The following PTN variants were observed in gnomAD, a reference collection of about 807,000 sequenced individuals.
The protein encoded by PTN is pleiotrophin.
A neutral mutation model predicts 24.1 loss-of-function variants in PTN; 18 were observed. That is an observed-to-expected ratio of 0.75 (90% confidence interval 0.52 to 1.11). The LOEUF is 1.11. Ranked by LOEUF, PTN falls within the 50% of genes least tolerant of loss-of-function variation. The pLI, the probability that PTN is intolerant of heterozygous loss-of-function variation, is 0.00. For missense variants in PTN, 163 were observed against 198.8 expected (o/e 0.82, Z 1.08); for synonymous variants, 78 against 68.6 (o/e 1.14, Z -0.67).
chr7:137,300,231 C>A (rs376244308), intron 1 of PTN, among the ~76,000 whole-genome samples: 1 of 151,868 alleles, frequency 6.6e-6, no homozygotes, highest in East Asian at 1.9e-4. Context: ...ATCAGAGTGG[C>A]CTTAGGGCCT....
chr7:137,276,920 A>G (rs541407329), intron 1 of PTN, among the ~76,000 whole-genome samples: 1 of 152,358 alleles, frequency 6.6e-6, no homozygotes, highest in African/African-American at 2.4e-5. Context: ...TATTCTATTT[A>G]CAATCCAATG....
chr7:137,315,857 G>A (rs1585041783), intron 1 of PTN, among the ~76,000 whole-genome samples: 1 of 152,106 alleles, frequency 6.6e-6, no homozygotes, highest in East Asian at 1.9e-4. Context: ...TAGGTATGCA[G>A]TTCTGTGATC....
chr7:137,276,619 C>G (rs1304520675), intron 1 of PTN, among the ~76,000 whole-genome samples: 1 of 152,170 alleles, frequency 6.6e-6, no homozygotes, highest in Non-Finnish European at 1.5e-5. Context: ...TCTATTGTCC[C>G]TTGCTGCCTG....
At chr7:137,231,153 T>C (rs1808420543) in intron 4 of PTN, among the ~76,000 whole-genome samples, 1 of 151,936 alleles carries the variant, frequency 6.6e-6, no homozygotes, top group South Asian at 2.1e-4. Flanking sequence ...GTTTCTACTC[T>C]CTGTTGTACC....
intron 1 of PTN, among the ~76,000 whole-genome samples, chr7:137,256,098 A>G (rs1215939011): frequency 6.6e-6 from 1 of 152,192 alleles, no homozygotes. Context: ...TTCCTCATTG[A>G]AAAATATCTG....
At chr7:137,319,408 T>C (rs927517164) in intron 1 of PTN, among the ~76,000 whole-genome samples, 3 of 152,206 alleles carry the variant, frequency 2.0e-5, no homozygotes, top group Admixed American at 2.0e-4. Context: ...GGCATGACTT[T>C]AATACCCACA....
Position 137,251,353 on chromosome 7 carries a change from C to T in PTN, c.328G>A (p.Asp110Asn). 6.2e-7 allele frequency: 1 copy of T among 1,614,090 alleles called. No individual in the cohort carries two copies. Among genetic ancestry groups the T allele is most frequent in the Non-Finnish European group, 8.5e-7 (1 of 1,180,008 alleles). ...CTGGTCTTCAGGGCTGTGTTCAGGTCACATTCTCCCCAGGCCTGGAACTGG... is the reference window on the plus strand; with the variant it reads ...CTGGTCTTCAGGGCTGTGTTCAGGTTACATTCTCCCCAGGCCTGGAACTGG... ...KYQFQAWGEC[D>N]LNTALKTRTG... Residue 110 changes from aspartate (D) to asparagine (N), a missense_variant, in exon 4 of 5, where the codon GAC becomes AAC. Asp to Asn is a conservative substitution (Grantham distance 23). Transcript: ENST00000348225.
intron 4 of PTN, among the ~76,000 whole-genome samples, chr7:137,249,978 C>T (rs1808794981): frequency 6.6e-6 from 1 of 152,174 alleles, no homozygotes; most frequent in South Asian, 2.1e-4. Context: ...AGCAGGAAAC[C>T]AGCCAATCTC....
chr7:137,245,311 C>A (rs1459656218), intron 4 of PTN, among the ~76,000 whole-genome samples: 1 of 152,200 alleles, frequency 6.6e-6, no homozygotes, highest in Non-Finnish European at 1.5e-5. Context: ...TTACGCACCA[C>A]ATAGCAATGT....
intron 4 of PTN, among the ~76,000 whole-genome samples, chr7:137,233,113 GT>G (rs1394530573): frequency 1.3e-5 from 2 of 151,876 alleles, no homozygotes; most frequent in Non-Finnish European, 2.9e-5. Flanking sequence ...GAGCCCATGT[GT>G]TTTTTTCTAT....
Position 137,343,599 on chromosome 7 carries a change from C to T in PTN, c.-162G>A, listed in dbSNP as rs1810572455. ...GATGACTCACTGGTCTCTTTCTTCC[C>T]CTCTCTCCACTTTGGATTTTCCTCT... On this transcript the variant is annotated 5_prime_UTR_variant, in exon 1 of 5. Coordinates refer to ENST00000348225, the MANE Select transcript of PTN (RefSeq NM_002825.7). 1.9e-6 allele frequency: 1 copy of T among 518,982 alleles called. No individual in the cohort carries two copies. 32.1% of individuals were successfully genotyped at this position (518,982 alleles called of 1,614,324 possible). A position where few individuals can be genotyped will look rare whatever the true frequency, so the allele number is the denominator to read the frequency against.
At chr7:137,230,329 T>C (rs1000468854) in intron 4 of PTN, among the ~76,000 whole-genome samples, 1 of 151,836 alleles carries the variant, frequency 6.6e-6, no homozygotes, top group Non-Finnish European at 1.5e-5. Flanking sequence ...TATTCCTTAA[T>C]TGACAACTTG....
At chr7:137,316,620 G>T (rs1478477906) in intron 1 of PTN, among the ~76,000 whole-genome samples, 1 of 152,176 alleles carries the variant, frequency 6.6e-6, no homozygotes, top group Non-Finnish European at 1.5e-5. Context: ...AGATAGCAGA[G>T]GATCGAGCCG....
At chr7:137,329,298 G>A (rs1274186312) in intron 1 of PTN, among the ~76,000 whole-genome samples, 1 of 152,212 alleles carries the variant, frequency 6.6e-6, no homozygotes, top group Non-Finnish European at 1.5e-5. Flanking sequence ...AATAAGAACA[G>A]AAAGCAAGGC....
chr7:137,251,955 T>C (rs1324246326), intron 3 of PTN, among the ~76,000 whole-genome samples: 1 of 151,900 alleles, frequency 6.6e-6, no homozygotes, highest in Non-Finnish European at 1.5e-5. Flanking sequence ...TCCGAGTTGT[T>C]ACCAGCCTTG....
At chr7:137,323,826 G>A (rs911200953) in intron 1 of PTN, among the ~76,000 whole-genome samples, 26 of 152,258 alleles carry the variant, frequency 1.7e-4, no homozygotes, top group African/African-American at 4.8e-4. Context: ...GAATTTGCAT[G>A]TCTAACGAGT....
chr7:137,259,288 A>G (rs967356526), intron 1 of PTN, among the ~76,000 whole-genome samples: 1 of 152,114 alleles, frequency 6.6e-6, no homozygotes, highest in Admixed American at 6.6e-5. Flanking sequence ...TAATATCTAA[A>G]GTAAATACAG....
At chr7:137,258,094 T>C (rs1208920006) in intron 1 of PTN, among the ~76,000 whole-genome samples, 1 of 152,174 alleles carries the variant, frequency 6.6e-6, no homozygotes, top group Non-Finnish European at 1.5e-5. Context: ...CATCGTTATT[T>C]TCAAAAAGAT....
chr7:137,238,539 T>C (rs547520710), intron 4 of PTN, among the ~76,000 whole-genome samples: 1 of 152,280 alleles, frequency 6.6e-6, no homozygotes, highest in African/African-American at 2.4e-5. Context: ...AGGATTATCA[T>C]GGAAACAAAA....
Sources: allele counts gnomAD v4.1 joint callset (sites outside exome capture counted in the v4.1 genomes callset), GRCh38; gene constraint gnomAD v4.1.1; transcripts MANE v1.5; gene names NCBI Gene and HGNC (gene_info 2026-07-23, HGNC 2026-07-21).